Variants in ZNF451 observed in about 807,000 individuals in gnomAD.
The protein encoded by ZNF451 is zinc finger protein 451, also known as E3 SUMO-protein ligase ZNF451.
Under a neutral mutation model 107.1 loss-of-function variants are expected in ZNF451, and 80 were observed. The observed-to-expected ratio is 0.75, with a 90% CI of 0.62 to 0.90. The LOEUF is 0.90. Ranked by LOEUF, ZNF451 falls within the 40% of genes least tolerant of loss-of-function variation. ZNF451 has a pLI of 0.00. For synonymous variants in ZNF451, 362 were observed against 406.5 expected, an observed-to-expected ratio of 0.89 and a Z score of 1.32; for missense variants, 1,107 against 1,236.2, an observed-to-expected ratio of 0.90 and a Z score of 1.57.
chr6:57,134,816 A>G lies in ZNF451; in HGVS notation c.648A>G (p.Val216=), dbSNP rs773813502. 2 of 1,612,050 alleles carry G rather than the reference A, an allele frequency of 1.2e-6. No homozygotes were observed. Among genetic ancestry groups the G allele is most frequent in the Non-Finnish European group, 8.5e-7 (1 of 1,178,932 alleles). The change falls in exon 7 of 15, where the codon GTA becomes GTG. Residue 216 remains valine (V), a synonymous_variant. Coordinates refer to ENST00000370706, the MANE Select transcript of ZNF451 (RefSeq NM_001031623.3). The part of the protein sequence containing the change: ...GPFFSSFACV[V]CYKKFVTQQQ... ...TCTTCAGCTCCTTTGCTTGTGTAGT[A>G]TGTTATAAAAAATTTGTTACTCAAC... is the stretch of plus-strand genomic sequence containing the variant.
intron 3 of ZNF451, chr6:57,116,938 C>CA (rs199573978): frequency 0.031 from 3,455 of 110,164 alleles, 79 homozygotes; most frequent in African/African-American, 0.078. Context: ...GAAAACAAAA[C>CA]AAAAAAAAAA....
Position 57,141,990 on chromosome 6 carries a change from C to T in ZNF451, c.899C>T (p.Ala300Val). The T allele has an allele frequency of 6.2e-7, 1 of 1,613,932 alleles. No individual in the cohort carries two copies. Among genetic ancestry groups the T allele is most frequent in the Non-Finnish European group, 8.5e-7 (1 of 1,179,882 alleles). The change falls in exon 9 of 15, where the codon GCA (alanine) becomes GTA (valine). Residue 300 changes from alanine (A) to valine (V), a missense_variant. By Grantham distance (64) the Ala-to-Val change is moderately conservative. Around this residue, in one of 5 missense-constraint regions of ZNF451, gnomAD observed 339 missense variants for 372.8 expected, o/e 0.91. Coordinates refer to ENST00000370706, the MANE Select transcript of ZNF451 (RefSeq NM_001031623.3). Reference sequence around the variant, plus strand: ...CATCCAATATCTTTCCCATCTTTTGCAAAGAAACTTTTGATCTCTCTGTGC... The same window carrying T: ...CATCCAATATCTTTCCCATCTTTTGTAAAGAAACTTTTGATCTCTCTGTGC... Reference protein sequence around the residue: ...IAHPISFPSFAKKLLISLCKD... With the variant: ...IAHPISFPSFVKKLLISLCKD...
intron 3 of ZNF451, chr6:57,105,308 T>G (rs1387179236): frequency 3.0e-6 from 3 of 983,632 alleles, no homozygotes; most frequent in Admixed American, 6.1e-5. Flanking sequence ...TGATTAGATA[T>G]ACAATGTATA....
Position 57,142,012 on chromosome 6 carries a change from G to T in ZNF451, c.921G>T (p.Leu307=), listed in dbSNP as rs760675427. Residue 307 remains leucine, a synonymous_variant, in exon 9 of 15, where the codon CTG becomes CTT. Transcript: ENST00000370706. ...TTGCAAAGAAACTTTTGATCTCTCT[G>T]TGCAAAGATGTTCCCTTTCAAGTTA... ...PSFAKKLLIS[L]CKDVPFQVKC... The T allele has an allele frequency of 6.2e-7, 1 of 1,614,072 alleles. No homozygotes were observed. Among genetic ancestry groups the T allele is most frequent in the Non-Finnish European group, 8.5e-7 (1 of 1,179,958 alleles).
intron 2 of ZNF451, among the ~76,000 whole-genome samples, chr6:57,091,627 T>TG (rs1275773563): frequency 1.3e-5 from 2 of 152,202 alleles, no homozygotes; most frequent in Non-Finnish European, 2.9e-5. Flanking sequence ...TGATGTATTT[T>TG]GGGGTGATTT....
At chr6:57,111,783 A>T (rs1390652058) in intron 3 of ZNF451, among the ~76,000 whole-genome samples, 2 of 152,208 alleles carry the variant, frequency 1.3e-5, no homozygotes, top group Non-Finnish European at 2.9e-5. Context: ...ATAGAGATAG[A>T]TGTTGGCAGT....
intron 5 of ZNF451, among the ~76,000 whole-genome samples, chr6:57,129,796 C>G (rs7758913): frequency 0.39 from 59,974 of 151,974 alleles, 14,094 homozygotes; most frequent in Non-Finnish European, 0.54. Flanking sequence ...CCTCCTGCCC[C>G]CAAAAACCTT....
chr6:57,102,350 G>C, intron 3 of ZNF451: 1 of 1,140,322 alleles, frequency 8.8e-7, no homozygotes. Context: ...TTTATTTCTG[G>C]TCCAAAAATA....
intron 14 of ZNF451, among the ~76,000 whole-genome samples, chr6:57,166,640 AAAT>A (rs1359991225): frequency 1.3e-5 from 2 of 152,186 alleles, no homozygotes; most frequent in Non-Finnish European, 2.9e-5. Flanking sequence ...GTACCCTCTA[AAAT>A]AATAATAAAA....
At chr6:57,138,650 A>G (rs1029067639) in intron 7 of ZNF451, among the ~76,000 whole-genome samples, 2 of 145,392 alleles carry the variant, frequency 1.4e-5, no homozygotes, top group Non-Finnish European at 3.0e-5. Context: ...AACTTATCAG[A>G]TATCTTATTT....
chr6:57,152,374 A>T (rs777073799), intron 12 of ZNF451, 23 bp downstream of exon 12: 1 of 1,612,150 alleles, frequency 6.2e-7, no homozygotes, highest in Non-Finnish European at 8.5e-7. Context: ...TTTATTCAAA[A>T]TCTAATGTGA....
chr6:57,155,395 A>T (rs1593168378), intron 13 of ZNF451, among the ~76,000 whole-genome samples: 1 of 152,196 alleles, frequency 6.6e-6, no homozygotes, highest in Non-Finnish European at 1.5e-5. Flanking sequence ...CTGAGGCAGG[A>T]GAATCGCTTG....
intron 3 of ZNF451, chr6:57,103,669 A>G (rs1829712374): frequency 1.0e-6 from 1 of 985,314 alleles, no homozygotes; most frequent in Non-Finnish European, 1.2e-6. Flanking sequence ...GACAGACTTA[A>G]TTCTGTAACT....
intron 7 of ZNF451, among the ~76,000 whole-genome samples, chr6:57,135,823 T>G (rs560739581): frequency 1.3e-5 from 2 of 152,302 alleles, no homozygotes; most frequent in Non-Finnish European, 2.9e-5. Flanking sequence ...ATTTGGATAT[T>G]TGAGTAAATA....
At chr6:57,157,060 CAT>C (rs1763462216) in intron 13 of ZNF451, among the ~76,000 whole-genome samples, 2 of 152,166 alleles carry the variant, frequency 1.3e-5, no homozygotes, top group South Asian at 4.1e-4. Context: ...CTATAAGTAA[CAT>C]ACAGTGATAA....
chr6:57,103,841 C>T, intron 3 of ZNF451: 1 of 985,338 alleles, frequency 1.0e-6, no homozygotes, highest in Non-Finnish European at 1.2e-6. Flanking sequence ...CTATTGGAAG[C>T]TCATTCCTCC....
At chr6:57,153,512 C>T (rs1193648702) in intron 12 of ZNF451, among the ~76,000 whole-genome samples, 1 of 151,512 alleles carries the variant, frequency 6.6e-6, no homozygotes, top group East Asian at 1.9e-4. Context: ...TCAAGTGATT[C>T]TCCAGCCTCA....
At chr6:57,142,237 A>G (rs1255978293) in intron 9 of ZNF451, 142 bp downstream of exon 9, 2 of 959,448 alleles carry the variant, frequency 2.1e-6, no homozygotes, top group Admixed American at 5.0e-5. Flanking sequence ...AATTTAACAT[A>G]GTGAGAGAAG....
chr6:57,152,067 G>A (rs148057092), intron 11 of ZNF451, 154 bp from the exon 12 acceptor site: 156 of 587,338 alleles, frequency 2.7e-4, no homozygotes, highest in African/African-American at 2.4e-3. Context: ...GCAACAAGAT[G>A]TTGATGCTTA....
Sources: allele counts gnomAD v4.1 joint callset (sites outside exome capture counted in the v4.1 genomes callset), GRCh38; gene constraint gnomAD v4.1.1; regional missense constraint gnomAD v4.1.1; transcripts MANE v1.5; gene names NCBI Gene and HGNC (gene_info 2026-07-23, HGNC 2026-07-21).